KCNN4: variants seen among roughly 807,000 people sequenced by gnomAD.
The protein encoded by KCNN4 is potassium calcium-activated channel subfamily N member 4.
Under a neutral mutation model 45.2 loss-of-function variants are expected in KCNN4, and 31 were observed. That is an observed-to-expected ratio of 0.69 (90% CI 0.52 to 0.92). KCNN4 has a LOEUF of 0.92. KCNN4 is among the 40% of genes least tolerant of loss of function. The pLI, the probability that KCNN4 is intolerant of heterozygous loss-of-function variation, is 0.00. For synonymous variants in KCNN4, 231 were observed against 254.6 expected, an observed-to-expected ratio of 0.91 and a Z score of 0.88; for missense variants, 463 against 574.0, an observed-to-expected ratio of 0.81 and a Z score of 1.98.
chr19:43,780,611 C>T (rs1360947830), intron 1 of KCNN4, 92 bp downstream of exon 1: 136 of 181,268 alleles, frequency 7.5e-4, no homozygotes, highest in Non-Finnish European at 9.8e-4. Context: ...TGACCCCCAG[C>T]CCCCCCTCCC....
intron 2 of KCNN4, 117 bp downstream of exon 2, chr19:43,776,424 C>T: frequency 1.4e-6 from 1 of 740,218 alleles, no homozygotes; most frequent in South Asian, 1.6e-5. Context: ...GACGCAGCAC[C>T]TAGGGCAGAA....
Position 43,774,646 on chromosome 19 carries a change from G to GGGTCAGGAGCA in KCNN4, c.256-38_256-28dup, listed in dbSNP as rs1969746558. The GGGTCAGGAGCA allele has an allele frequency of 1.3e-5, 19 of 1,481,106 alleles. No individual in the cohort carries two copies. Among genetic ancestry groups the GGGTCAGGAGCA allele is most frequent in the Non-Finnish European group, 1.4e-5 (16 of 1,124,684 alleles). 91.7% of individuals were successfully genotyped at this position (1,481,106 alleles called of 1,614,324 possible). ...TGCCGGTAGGGGGCCAAGAAGGGAG[G>GGGTCAGGAGCA]GGTCAGGAGCAGGTCAGGCGCAGGT... On this transcript the variant is annotated intron_variant, in intron 2 of 8. Coordinates refer to ENST00000648319, the MANE Select transcript of KCNN4 (RefSeq NM_002250.3). This position sits in a 1 kb window ranked among gnomAD's most constrained non-coding sequence, Gnocchi z 5.6.
At chr19:43,777,658 CG>C (rs1222006147) in intron 1 of KCNN4, among the ~76,000 whole-genome samples, 8 of 148,928 alleles carry the variant, frequency 5.4e-5, no homozygotes, top group Non-Finnish European at 1.0e-4. Flanking sequence ...CCAGAAACCA[CG>C]GAGAAATTGT....
intron 2 of KCNN4, 144 bp downstream of exon 2, chr19:43,776,397 G>GCTCAT (rs1555725199): frequency 1.5e-6 from 1 of 645,200 alleles, no homozygotes; most frequent in Non-Finnish European, 2.9e-6. Flanking sequence ...CATCCCATCT[G>GCTCAT]GGTAGGTGAG....
intron 7 of KCNN4, among the ~76,000 whole-genome samples, chr19:43,768,241 T>C (rs1276790662): frequency 6.6e-6 from 1 of 152,254 alleles, no homozygotes; most frequent in Admixed American, 6.5e-5. Context: ...CACTGAGACC[T>C]GCCATGCGGT....
chr19:43,769,519 C>T lies in KCNN4; in HGVS notation c.972G>A (p.Met324Ile). 1 of 1,614,236 alleles carries T rather than the reference C, an allele frequency of 6.2e-7. No homozygotes were observed. Among genetic ancestry groups the T allele is most frequent in the Non-Finnish European group, 8.5e-7 (1 of 1,180,054 alleles). The change falls in exon 6 of 9, where the codon ATG (methionine) becomes ATA (isoleucine). Residue 324 changes from methionine to isoleucine, a missense_variant. Around this residue, in one of 3 missense-constraint regions of KCNN4, gnomAD observed 129 missense variants for 149.4 expected, o/e 0.86. Coordinates refer to ENST00000648319, the MANE Select transcript of KCNN4 (RefSeq NM_002250.3). This position sits in a 1 kb window ranked among gnomAD's most constrained non-coding sequence, Gnocchi z 4.4. Reference sequence around the variant, plus strand: ...CCTTCCTGCGAGTATGTTTGTAGAACATCCAGGCTTCTTGTAGCACTCGGG... The same window carrying T: ...CCTTCCTGCGAGTATGTTTGTAGAATATCCAGGCTTCTTGTAGCACTCGGG... ...SAARVLQEAW[M>I]FYKHTRRKES... is the part of the protein sequence containing the mutation.
In KCNN4 at chr19:43,774,536, C is replaced by T; in HGVS notation, c.339G>A (p.Val113=). Residue 113 remains valine, a synonymous_variant, in exon 3 of 9, where the codon GTG becomes GTA. Coordinates refer to ENST00000648319, the MANE Select transcript of KCNN4 (RefSeq NM_002250.3). The surrounding 1 kb of genome is among the most constrained non-coding windows in gnomAD (Gnocchi z 5.6). The stretch of plus-strand genomic sequence containing the variant: ...CGGGCGCCGGGTGCAGCCCACACAC[C>T]ACCAGCTCCAGCACGATCTGCGCCG... ...RQAAQIVLEL[V]VCGLHPAPVR... is the part of the protein sequence containing the mutation. 1 of 1,593,612 alleles carries T rather than the reference C, an allele frequency of 6.3e-7. No homozygotes were observed. Among genetic ancestry groups the T allele is most frequent in the Non-Finnish European group, 8.5e-7 (1 of 1,175,178 alleles).
intron 1 of KCNN4, among the ~76,000 whole-genome samples, chr19:43,778,490 C>T (rs1242809014): frequency 2.6e-5 from 4 of 152,162 alleles, no homozygotes; most frequent in Non-Finnish European, 4.4e-5. Flanking sequence ...CCGCCCACCT[C>T]GGCCTCCCAA....
intron 1 of KCNN4, 59 bp downstream of exon 1, chr19:43,780,618 TCCCTCAGACCCAAGAGTCCTGACCCC>T (rs1969959550): frequency 6.4e-4 from 19 of 29,614 alleles, no homozygotes; most frequent in East Asian, 3.2e-3. Context: ...CAGCCCCCCC[TCCCTCAGACCCAAGAGTCCTGACCCC>T]CAGCCCCTCC....
rs1181216973 is a variant in KCNN4 at position 43,780,777 on chromosome 19, C to G, written c.85G>C (p.Ala29Pro). The part of the protein sequence containing the change: ...LEQEKSLAGW[A>P]LVLAGTGIGL... ...ATGCCAGTTCCTGCCAGCACCAGTG[C>G]CCAGCCGGCCAGAGACTTCTCCTGC... The change falls in exon 1 of 9, where the codon GCA (alanine) becomes CCA (proline). Residue 29 changes from alanine to proline, a missense_variant. By Grantham distance (27) the Ala-to-Pro change is conservative (BLOSUM62 -1). Around this residue, in one of 3 missense-constraint regions of KCNN4, gnomAD observed 225 missense variants for 240.9 expected, o/e 0.93. Transcript: ENST00000648319. The G allele has an allele frequency of 6.2e-7, 1 of 1,613,884 alleles. No homozygotes were observed. Among genetic ancestry groups the G allele is most frequent in the Admixed American group, 1.7e-5 (1 of 59,978 alleles).
chr19:43,777,661 A>G (rs531891958), intron 1 of KCNN4, among the ~76,000 whole-genome samples: 1 of 147,998 alleles, frequency 6.8e-6, no homozygotes, highest in South Asian at 2.2e-4. Flanking sequence ...GAAACCACGG[A>G]GAAATTGTTC....
chr19:43,767,769 C>T (rs1969524996), intron 7 of KCNN4, 62 bp from the exon 8 acceptor site: 7 of 1,595,956 alleles, frequency 4.4e-6, no homozygotes, highest in Admixed American at 3.4e-5. Flanking sequence ...TACTCCATAG[C>T]GTAAGGCAAT....
chr19:43,767,335 G>A (rs1241554280), intron 8 of KCNN4: 2 of 595,546 alleles, frequency 3.4e-6, no homozygotes, highest in East Asian at 2.8e-5. Context: ...GGCCATCAAG[G>A]GTCAGTGAAG....
intron 4 of KCNN4, among the ~76,000 whole-genome samples, chr19:43,771,078 C>A (rs1300916576): frequency 2.0e-5 from 3 of 152,088 alleles, no homozygotes; most frequent in African/African-American, 7.2e-5. Context: ...GTGAGGGGAA[C>A]CCGATCTTGT....
intron 2 of KCNN4, 113 bp downstream of exon 2, chr19:43,776,428 G>A: frequency 1.3e-6 from 1 of 757,270 alleles, no homozygotes; most frequent in Middle Eastern, 3.7e-4. Context: ...CAGCACCTAG[G>A]GCAGAAGAAC....
intron 1 of KCNN4, among the ~76,000 whole-genome samples, chr19:43,778,944 G>A (rs1466855216): frequency 6.6e-6 from 1 of 152,206 alleles, no homozygotes; most frequent in Admixed American, 6.5e-5. Flanking sequence ...GCTCAGGCCT[G>A]TAATCCCAGC....
intron 1 of KCNN4, among the ~76,000 whole-genome samples, chr19:43,780,203 G>A (rs192863028): frequency 1.3e-5 from 2 of 152,106 alleles, no homozygotes; most frequent in Admixed American, 6.5e-5. Context: ...ACCTCTGGCC[G>A]TCTAATGGCA....
In KCNN4 at chr19:43,770,371, C is replaced by T. The variant is rs151294056; in HGVS notation, c.820-542G>A. ...TCCCACCTGGACAACTCAGCCCTGG[C>T]TCCATGCTGCCTGCCCTCCCTGAGC... On this transcript the variant is annotated intron_variant, in intron 4 of 8. Transcript: ENST00000648319. Among the ~76,000 whole-genome samples, 28 of 152,264 alleles carry T rather than the reference C, an allele frequency of 1.8e-4. 1 individual carries two copies. In the East Asian group the frequency reaches 5.4e-3, roughly 29 times the overall value.
chr19:43,776,322 G>A (rs954669560), intron 2 of KCNN4, among the ~76,000 whole-genome samples: 1 of 151,744 alleles, frequency 6.6e-6, no homozygotes. Context: ...GTGTGCAAGG[G>A]GGGGCTGGGG....
Sources: allele counts gnomAD v4.1 joint callset (sites outside exome capture counted in the v4.1 genomes callset), GRCh38; gene constraint gnomAD v4.1.1; regional missense constraint gnomAD v4.1.1; non-coding constraint Gnocchi (gnomAD v3.1); transcripts MANE v1.5; gene names NCBI Gene and HGNC (gene_info 2026-07-23, HGNC 2026-07-21).